PDE1C: variants seen among roughly 807,000 people sequenced by gnomAD.
PDE1C encodes dual specificity calcium/calmodulin-dependent 3',5'-cyclic nucleotide phosphodiesterase 1C.
A neutral mutation model predicts 93.1 loss-of-function variants in PDE1C; 62 were observed. That is an observed-to-expected ratio of 0.67 (90% CI 0.54 to 0.82). The LOEUF is 0.82. Among genes scored for constraint, PDE1C ranks in the 40% least tolerant of loss-of-function variants. The pLI is 0.00. For missense variants in PDE1C, 742 were observed against 884.6 expected (o/e 0.84, Z 2.04); for synonymous variants, 325 against 310.1 (o/e 1.05, Z -0.50).
the PDE1C span, chr7:31,651,229 C>T: frequency 1.9e-6 from 3 of 1,613,556 alleles, no homozygotes; most frequent in Non-Finnish European, 2.5e-6. Context: ...CCTTATGGGA[C>T]AGCAGGCCCT....
intron 2 of PDE1C, among the ~76,000 whole-genome samples, chr7:32,035,714 T>A (rs1037873062): frequency 1.3e-5 from 2 of 152,124 alleles, no homozygotes; most frequent in African/African-American, 4.8e-5. Flanking sequence ...CCAGAAAATC[T>A]ATGCATCTGA....
At chr7:31,985,733 C>T (rs559046630) in intron 2 of PDE1C, among the ~76,000 whole-genome samples, 2 of 151,382 alleles carry the variant, frequency 1.3e-5, no homozygotes, top group Non-Finnish European at 2.9e-5. Flanking sequence ...CATCTATGTC[C>T]CTGCAAAGGA....
At chr7:32,108,735 C>T (rs1179279970) in intron 3 of PDE1C, among the ~76,000 whole-genome samples, 1 of 152,160 alleles carries the variant, frequency 6.6e-6, no homozygotes, top group Non-Finnish European at 1.5e-5. Flanking sequence ...GAAAATCTAG[C>T]CATGGTTTCC....
At chr7:32,123,233 C>G (rs73100698) in intron 3 of PDE1C, among the ~76,000 whole-genome samples, 30,838 of 151,838 alleles carry the variant, frequency 0.2, 3,766 homozygotes, top group Middle Eastern at 0.31. Context: ...GCCCACCAAC[C>G]AAAAAAAGCC....
At chr7:32,363,295 C>T (rs1784171220) in intron 1 of PDE1C, among the ~76,000 whole-genome samples, 1 of 152,130 alleles carries the variant, frequency 6.6e-6, no homozygotes, top group African/African-American at 2.4e-5. Context: ...CATTATTAGC[C>T]CCATTTTCCA....
chr7:32,168,123 TTTC>T (rs1473379298), intron 3 of PDE1C, among the ~76,000 whole-genome samples: 15 of 152,326 alleles, frequency 9.8e-5, no homozygotes, highest in Non-Finnish European at 1.5e-4. Context: ...TGCTAATGGA[TTTC>T]TTGTCTCAAT....
At chr7:31,925,538 CATTTAT>C (rs1386653210) in intron 2 of PDE1C, among the ~76,000 whole-genome samples, 4 of 152,058 alleles carry the variant, frequency 2.6e-5, no homozygotes, top group Non-Finnish European at 4.4e-5. Flanking sequence ...AAAGTATTTA[CATTTAT>C]ATTTATATGT....
At chr7:31,730,695 C>CAGGGAAG in the PDE1C span, among the ~76,000 whole-genome samples, 17 of 152,180 alleles carry the variant, frequency 1.1e-4, no homozygotes, top group South Asian at 3.5e-3. Context: ...CTTGATGAGC[C>CAGGGAAG]AGGGAAGACA....
In PDE1C at chr7:32,147,303, AG is replaced by A. The variant is rs148624087; in HGVS notation, c.308+22481del. Among the ~76,000 whole-genome samples, 30 of 111,306 alleles carry A rather than the reference AG, an allele frequency of 2.7e-4. 1 individual carries two copies. Among genetic ancestry groups the A allele is most frequent in the South Asian group, 1.2e-3 (4 of 3,338 alleles). 73.0% of individuals were successfully genotyped at this position (111,306 alleles called of 152,430 possible). ...AAGAAAGAAAGAAAGAAAGAAAGAA[AG>A]AAAGAAAGAAAGAAAGAAAGAAAGA... is the stretch of plus-strand genomic sequence containing the variant. On this transcript the variant is annotated intron_variant, in intron 3 of 18. Transcript: ENST00000396193.
intron 1 of PDE1C, among the ~76,000 whole-genome samples, chr7:32,281,875 A>G (rs964984615): frequency 6.6e-6 from 1 of 152,208 alleles, no homozygotes; most frequent in African/African-American, 2.4e-5. Context: ...CTTTCTAGGA[A>G]TATGGATGAA....
At chr7:32,240,685 C>G (rs146001659) in intron 1 of PDE1C, among the ~76,000 whole-genome samples, 1 of 152,036 alleles carries the variant, frequency 6.6e-6, no homozygotes, top group Non-Finnish European at 1.5e-5. Context: ...AGGAACAAGA[C>G]AAGATGGGGT....
the PDE1C span, among the ~76,000 whole-genome samples, chr7:31,732,635 T>TC: frequency 1.1e-4 from 10 of 87,656 alleles, no homozygotes; most frequent in African/African-American, 5.0e-4. Flanking sequence ...CTCTCCTCTC[T>TC]TTCTGTGTGT....
chr7:32,406,148 CA>C (rs1785046556), intron 1 of PDE1C, among the ~76,000 whole-genome samples: 1 of 152,116 alleles, frequency 6.6e-6, no homozygotes, highest in South Asian at 2.1e-4. Context: ...ACACTAGAGG[CA>C]AAAACAGGAC....
At chr7:31,727,236 C>A in the PDE1C span, among the ~76,000 whole-genome samples, 1 of 152,184 alleles carries the variant, frequency 6.6e-6, no homozygotes, top group Non-Finnish European at 1.5e-5. Flanking sequence ...TTCTCCCTTG[C>A]TGCAATGAGT....
intron 2 of PDE1C, among the ~76,000 whole-genome samples, chr7:32,008,392 G>A (rs961057039): frequency 2.6e-5 from 4 of 152,134 alleles, no homozygotes; most frequent in Admixed American, 2.6e-4. Context: ...TTCCATTAAG[G>A]ATCCTTTCCA....
At chr7:32,419,076 A>T (rs1353730485) in intron 1 of PDE1C, among the ~76,000 whole-genome samples, 1 of 152,236 alleles carries the variant, frequency 6.6e-6, no homozygotes, top group African/African-American at 2.4e-5. Flanking sequence ...TAGTTTAATT[A>T]ACAAACTAAA....
At chr7:31,963,244 T>C (rs1184196240) in intron 2 of PDE1C, among the ~76,000 whole-genome samples, 1 of 152,120 alleles carries the variant, frequency 6.6e-6, no homozygotes, top group Non-Finnish European at 1.5e-5. Context: ...GTAAGTCTTA[T>C]TTAAAAAAAA....
chr7:32,137,936 C>T (rs528107624), intron 3 of PDE1C, among the ~76,000 whole-genome samples: 1 of 152,164 alleles, frequency 6.6e-6, no homozygotes, highest in South Asian at 2.1e-4. Context: ...ATTTAGCATA[C>T]CTTTTATGTC....
intron 9 of PDE1C, among the ~76,000 whole-genome samples, chr7:31,843,663 A>T (rs1792194028): frequency 6.6e-6 from 1 of 151,834 alleles, no homozygotes; most frequent in Non-Finnish European, 1.5e-5. Context: ...TAGAATGTTT[A>T]GTCCTTTAAC....
Sources: gnomAD v4.1 joint callset for allele counts (sites outside exome capture counted in the v4.1 genomes callset) on GRCh38, gnomAD v4.1.1 for gene constraint, MANE v1.5 for transcripts, NCBI Gene and HGNC (gene_info 2026-07-23, HGNC 2026-07-21) for gene names.